EYA1: variants seen among roughly 807,000 people sequenced by gnomAD.
EYA1 encodes the protein protein phosphatase EYA1.
A neutral mutation model predicts 82.0 loss-of-function variants in EYA1; 16 were observed. The observed-to-expected ratio is 0.20, with a 90% CI of 0.13 to 0.30. EYA1 has a LOEUF of 0.30. Ranked by LOEUF, EYA1 falls within the 10% of genes least tolerant of loss-of-function variation. The pLI is 1.00. For synonymous variants in EYA1, 261 were observed against 264.4 expected (o/e 0.99, Z 0.12); for missense variants, 633 against 730.7 (o/e 0.87, Z 1.54).
chr8:71,444,929 A>AT (rs1438516953), intron 2 of EYA1, among the ~76,000 whole-genome samples: 1 of 152,154 alleles, frequency 6.6e-6, no homozygotes, highest in East Asian at 1.9e-4. Context: ...AAAATGTAAT[A>AT]TTTTTTTCCA....
intron 2 of EYA1, among the ~76,000 whole-genome samples, chr8:71,430,705 A>G (rs1009161927): frequency 2.0e-5 from 3 of 152,176 alleles, no homozygotes; most frequent in African/African-American, 7.2e-5. Flanking sequence ...CCTGAAACCA[A>G]TGGGGGTGGG....
chr8:71,315,204 T>A (rs576929188), intron 7 of EYA1, among the ~76,000 whole-genome samples: 12 of 152,226 alleles, frequency 7.9e-5, no homozygotes, highest in Middle Eastern at 3.4e-3. Flanking sequence ...AGAAAAAAAA[T>A]TTTCTAAAAA....
chr8:71,384,381 C>T (rs1281048484), intron 2 of EYA1, among the ~76,000 whole-genome samples: 1 of 152,176 alleles, frequency 6.6e-6, no homozygotes, highest in Non-Finnish European at 1.5e-5. Flanking sequence ...ACTGAGACTT[C>T]TCATTCTTTA....
At chr8:71,252,071 G>C (rs1813812880) in intron 11 of EYA1, among the ~76,000 whole-genome samples, 1 of 151,916 alleles carries the variant, frequency 6.6e-6, no homozygotes, top group African/African-American at 2.4e-5. Context: ...CAGAGGACTG[G>C]GATATTTCCT....
intron 1 of EYA1, among the ~76,000 whole-genome samples, chr8:71,360,124 C>T (rs1020887116): frequency 1.6e-4 from 24 of 152,222 alleles, no homozygotes; most frequent in Non-Finnish European, 2.5e-4. Flanking sequence ...AAAATAAATG[C>T]TTTAATACTA....
intron 2 of EYA1, among the ~76,000 whole-genome samples, chr8:71,409,189 C>T (rs77629609): frequency 1.9e-5 from 1 of 52,708 alleles, no homozygotes; most frequent in Non-Finnish European, 3.7e-5. Flanking sequence ...AACAAAGACA[C>T]AACATACCAG....
chr8:71,542,046 A>G (rs1039941717), intron 1 of EYA1, among the ~76,000 whole-genome samples: 1 of 152,200 alleles, frequency 6.6e-6, no homozygotes, highest in Non-Finnish European at 1.5e-5. Context: ...CAAAAGGAGA[A>G]GAGATACAAA....
intron 4 of EYA1, among the ~76,000 whole-genome samples, chr8:71,327,097 T>C (rs1202070664): frequency 6.6e-6 from 1 of 152,228 alleles, no homozygotes; most frequent in Non-Finnish European, 1.5e-5. Flanking sequence ...TTTAGTTGTC[T>C]ATTTACATAC....
intron 3 of EYA1, among the ~76,000 whole-genome samples, chr8:71,353,399 G>T (rs1293626991): frequency 6.6e-6 from 1 of 152,156 alleles, no homozygotes; most frequent in East Asian, 1.9e-4. Flanking sequence ...AATAATTTAA[G>T]TTTCTCTCTG....
At chr8:71,546,841 A>C (rs1490602006) in intron 1 of EYA1, among the ~76,000 whole-genome samples, 1 of 152,086 alleles carries the variant, frequency 6.6e-6, no homozygotes, top group Non-Finnish European at 1.5e-5. Context: ...ACGCTTCATG[A>C]CACATTTCAG....
chr8:71,353,469 T>G (rs1463560605), intron 3 of EYA1, among the ~76,000 whole-genome samples: 1 of 152,246 alleles, frequency 6.6e-6, no homozygotes, highest in East Asian at 1.9e-4. Flanking sequence ...ATTCAGAGAT[T>G]AATTTTCTGC....
At chr8:71,281,346 C>T (rs1290336406) in intron 9 of EYA1, among the ~76,000 whole-genome samples, 1 of 152,200 alleles carries the variant, frequency 6.6e-6, no homozygotes, top group African/African-American at 2.4e-5. Context: ...CCATTCGGCA[C>T]CTTTCTCCTC....
intron 11 of EYA1, among the ~76,000 whole-genome samples, chr8:71,251,402 A>T (rs772381981): frequency 2.6e-5 from 4 of 152,196 alleles, no homozygotes; most frequent in African/African-American, 4.8e-5. Context: ...AACAAAACTC[A>T]ATACACAACA....
chr8:71,370,037 T>TA (rs576396085), intron 2 of EYA1, among the ~76,000 whole-genome samples: 1,792 of 150,834 alleles, frequency 0.012, 24 homozygotes, highest in African/African-American at 0.031. Context: ...AGTTTTAGGT[T>TA]AAAAAAAAAG....
chr8:71,508,432 C>A (rs1812355737), intron 2 of EYA1, among the ~76,000 whole-genome samples: 1 of 152,112 alleles, frequency 6.6e-6, no homozygotes, highest in South Asian at 2.1e-4. Context: ...CAACACCAAG[C>A]CCAGCTACAA....
At chr8:71,203,881 G>A (rs746139410) in intron 17 of EYA1, among the ~76,000 whole-genome samples, 5 of 152,164 alleles carry the variant, frequency 3.3e-5, no homozygotes, top group Non-Finnish European at 5.9e-5. Context: ...GTGACTCAGC[G>A]GTGGGTGGGA....
In EYA1 at chr8:71,197,878, C is replaced by G. The variant is rs1806434422; in HGVS notation, c.*1462G>C. 1 of 152,480 alleles carries G rather than the reference C, an allele frequency of 6.6e-6. No individual in the cohort carries two copies. Among genetic ancestry groups the G allele is most frequent in the African/African-American group, 2.4e-5 (1 of 41,440 alleles). 9.4% of individuals were successfully genotyped at this position (152,480 alleles called of 1,614,324 possible). A position where few individuals can be genotyped will look rare whatever the true frequency, so the allele number is the denominator to read the frequency against. ...GCCAAACTGACCACTTTTGGAGAAA[C>G]TCTTATGGTCTGACAAAGGTGATAA... is the stretch of plus-strand genomic sequence containing the variant. On this transcript the variant is annotated 3_prime_UTR_variant, in exon 18 of 18. Coordinates refer to ENST00000340726, the MANE Select transcript of EYA1 (RefSeq NM_000503.6).
intron 2 of EYA1, among the ~76,000 whole-genome samples, chr8:71,479,517 C>T (rs9643627): frequency 4.6e-5 from 7 of 150,704 alleles, no homozygotes; most frequent in African/African-American, 1.5e-4. Flanking sequence ...TATTGTTTGT[C>T]TGTATTGCAC....
intron 2 of EYA1, among the ~76,000 whole-genome samples, chr8:71,444,176 T>C (rs1806665705): frequency 6.6e-6 from 1 of 152,216 alleles, no homozygotes; most frequent in African/African-American, 2.4e-5. Flanking sequence ...AGGTGACCAG[T>C]GTACATAAAA....
Sources: allele counts gnomAD v4.1 joint callset (sites outside exome capture counted in the v4.1 genomes callset), GRCh38; gene constraint gnomAD v4.1.1; transcripts MANE v1.5; gene names NCBI Gene and HGNC (gene_info 2026-07-23, HGNC 2026-07-21).